LGR5: variants seen among roughly 807,000 people sequenced by gnomAD.
The protein encoded by LGR5 is leucine-rich repeat-containing G protein-coupled receptor 5.
A neutral mutation model predicts 76.7 loss-of-function variants in LGR5; 54 were observed. The observed-to-expected ratio is 0.70, with a 90% confidence interval of 0.57 to 0.88. LGR5 has a LOEUF of 0.88. Among genes scored for constraint, LGR5 ranks in the 40% least tolerant of loss-of-function variants. LGR5 has a pLI of 0.00. For synonymous variants in LGR5, 406 were observed against 421.9 expected (o/e 0.96, Z 0.46); for missense variants, 1,078 against 1,073.3 (o/e 1.00, Z -0.06).
chr12:71,551,811 T>C (rs1592537391), intron 4 of LGR5, among the ~76,000 whole-genome samples: 1 of 152,186 alleles, frequency 6.6e-6, no homozygotes, highest in East Asian at 1.9e-4. Flanking sequence ...CAGATAAAAA[T>C]GGAGTGTGGG....
chr12:71,487,632 C>T (rs1239733013), intron 1 of LGR5, among the ~76,000 whole-genome samples: 1 of 152,174 alleles, frequency 6.6e-6, no homozygotes, highest in African/African-American at 2.4e-5. Flanking sequence ...AGGCTCATCT[C>T]TAACTCCTGG....
At chr12:71,559,947 A>G (rs151112734) in intron 7 of LGR5, among the ~76,000 whole-genome samples, 29 of 152,256 alleles carry the variant, frequency 1.9e-4, no homozygotes, top group African/African-American at 6.7e-4. Context: ...CCATTTATGT[A>G]CTTTATAGAT....
chr12:71,549,158 CTTG>C (rs1489334916), intron 4 of LGR5, among the ~76,000 whole-genome samples: 5 of 152,226 alleles, frequency 3.3e-5, no homozygotes, highest in African/African-American at 1.2e-4. Context: ...CAGTCTTAAC[CTTG>C]TTGTGGAAGA....
intron 4 of LGR5, among the ~76,000 whole-genome samples, chr12:71,550,992 A>C (rs1877454249): frequency 6.6e-6 from 1 of 152,344 alleles, no homozygotes; most frequent in Non-Finnish European, 1.5e-5. Context: ...TAGAGAAAGG[A>C]AAGAGAGATG....
chr12:71,504,141 G>GTT (rs140580996), intron 1 of LGR5, among the ~76,000 whole-genome samples: 1 of 150,886 alleles, frequency 6.6e-6, no homozygotes, highest in African/African-American at 2.4e-5. Context: ...TTTTGTTGTT[G>GTT]TTGTTGTTTT....
chr12:71,486,593 G>A (rs770566158), intron 1 of LGR5, among the ~76,000 whole-genome samples: 4 of 152,012 alleles, frequency 2.6e-5, no homozygotes, highest in Non-Finnish European at 2.9e-5. Flanking sequence ...TATCTGATTC[G>A]TCAACATAAA....
In LGR5 at chr12:71,585,876, T is replaced by G. The variant is rs1471344171; in HGVS notation, c.*1142T>G. Reference sequence around the variant, plus strand: ...TTCCATATTAATACTGTGTTAGGTATTTTAAGAAGCAAGTTATTAAATAAG... The same window carrying G: ...TTCCATATTAATACTGTGTTAGGTAGTTTAAGAAGCAAGTTATTAAATAAG... On this transcript the variant is annotated 3_prime_UTR_variant, in exon 18 of 18. Coordinates refer to ENST00000266674, the MANE Select transcript of LGR5 (RefSeq NM_003667.4). 1 of 152,210 alleles carries G rather than the reference T, an allele frequency of 6.6e-6. No individual in the cohort carries two copies. The highest frequency in any genetic ancestry group is 1.9e-4 in the East Asian group (1 of 5,194). The allele number at this position is 152,210 out of a possible 1,614,324, so 9.4% of individuals were successfully genotyped here. A position where few individuals can be genotyped will look rare whatever the true frequency, so the allele number is the denominator to read the frequency against.
At chr12:71,472,092 A>G (rs1028232278) in intron 1 of LGR5, among the ~76,000 whole-genome samples, 1 of 152,168 alleles carries the variant, frequency 6.6e-6, no homozygotes, top group Non-Finnish European at 1.5e-5. Context: ...CTCAGAAATC[A>G]TCACTAAAGA....
At chr12:71,543,082 C>A (rs1440020668) in intron 4 of LGR5, among the ~76,000 whole-genome samples, 2 of 152,156 alleles carry the variant, frequency 1.3e-5, no homozygotes, top group African/African-American at 2.4e-5. Context: ...TCAGACTGAA[C>A]TGAAACCTCA....
chr12:71,505,016 A>G (rs898665580), intron 2 of LGR5, among the ~76,000 whole-genome samples: 1 of 152,212 alleles, frequency 6.6e-6, no homozygotes, highest in African/African-American at 2.4e-5. Context: ...AAAAGTTTGA[A>G]TACTGGTTCA....
intron 1 of LGR5, among the ~76,000 whole-genome samples, chr12:71,495,983 CACGTGAAA>C (rs1269520096): frequency 6.6e-6 from 1 of 152,128 alleles, no homozygotes; most frequent in African/African-American, 2.4e-5. Context: ...TGGTCAAAGT[CACGTGAAA>C]AGATGCTCAG....
Position 71,584,521 on chromosome 12 carries a change from AACCTAC to A in LGR5, c.2512_2517del (p.Thr838_Tyr839del), listed in dbSNP as rs1361727486. 1.2e-6 allele frequency: 2 copies of A among 1,614,156 alleles called. No individual in the cohort carries two copies. The highest frequency in any genetic ancestry group is 4.5e-5 in the East Asian group (2 of 44,878). ...AGGATCTGGTGAGCCTGAGAAAGCA[AACCTAC>A]GTCTGGACAAGATCAAAACACCCAA... On this transcript the variant is annotated inframe_deletion, in exon 18 of 18. Transcript: ENST00000266674.
chr12:71,514,040 G>C (rs1331085448), intron 2 of LGR5, among the ~76,000 whole-genome samples: 1 of 151,838 alleles, frequency 6.6e-6, no homozygotes, highest in Non-Finnish European at 1.5e-5. Context: ...CCAGCTACCA[G>C]AGAGGCTGAG....
At chr12:71,478,230 A>C (rs1488859729) in intron 1 of LGR5, among the ~76,000 whole-genome samples, 2 of 152,128 alleles carry the variant, frequency 1.3e-5, no homozygotes, top group Admixed American at 1.3e-4. Flanking sequence ...TTATACCTTC[A>C]GTTTTTGAAA....
intron 4 of LGR5, among the ~76,000 whole-genome samples, chr12:71,550,707 G>GC (rs1475070092): frequency 6.6e-6 from 1 of 151,954 alleles, no homozygotes; most frequent in Non-Finnish European, 1.5e-5. Flanking sequence ...CAGGTGATCT[G>GC]CCCCCCTCAG....
At chr12:71,540,290 C>T (rs1876809510) in intron 4 of LGR5, among the ~76,000 whole-genome samples, 1 of 152,146 alleles carries the variant, frequency 6.6e-6, no homozygotes, top group East Asian at 1.9e-4. Context: ...TATTTAATGC[C>T]TGTTGGTTTT....
chr12:71,570,524 A>G (rs1878559889), intron 11 of LGR5, among the ~76,000 whole-genome samples: 1 of 151,974 alleles, frequency 6.6e-6, no homozygotes, highest in South Asian at 2.1e-4. Context: ...TATATTCGCT[A>G]TTTTTCAAAA....
At chr12:71,446,221 AC>A (rs1871983856) in intron 1 of LGR5, among the ~76,000 whole-genome samples, 1 of 152,222 alleles carries the variant, frequency 6.6e-6, no homozygotes, top group African/African-American at 2.4e-5. Flanking sequence ...GCAAGTACAA[AC>A]AACACAAGGC....
intron 1 of LGR5, among the ~76,000 whole-genome samples, chr12:71,483,617 G>A (rs1873703335): frequency 6.6e-6 from 1 of 152,166 alleles, no homozygotes; most frequent in Non-Finnish European, 1.5e-5. Flanking sequence ...CACAAGCCTT[G>A]GAGTCACACA....
Sources: allele counts gnomAD v4.1 joint callset (sites outside exome capture counted in the v4.1 genomes callset), GRCh38; gene constraint gnomAD v4.1.1; transcripts MANE v1.5; gene names NCBI Gene and HGNC (gene_info 2026-07-23, HGNC 2026-07-21).